CSMD3: variants seen among roughly 807,000 people sequenced by gnomAD.
CSMD3 encodes the protein CUB and Sushi multiple domains 3, also known as CUB and sushi domain-containing protein 3.
CSMD3 carries 177 observed loss-of-function variants against 435.2 expected under a neutral mutation model. That is an observed-to-expected ratio of 0.41 (90% CI 0.36 to 0.46). The LOEUF is 0.46. CSMD3 is among the 20% of genes least tolerant of loss of function. CSMD3 has a pLI of 0.34. For missense variants in CSMD3, 4,265 were observed against 4,504.6 expected (o/e 0.95, Z 1.52); for synonymous variants, 1,656 against 1,520.5 (o/e 1.09, Z -2.07).
intron 64 of CSMD3, among the ~76,000 whole-genome samples, chr8:112,245,797 C>A (rs756828709): frequency 1.3e-5 from 2 of 152,156 alleles, no homozygotes; most frequent in Non-Finnish European, 2.9e-5. Flanking sequence ...CTCGGCCTCC[C>A]AAAGTGCTAG....
At chr8:112,947,747 C>A (rs1165307843) in intron 9 of CSMD3, 43 bp downstream of exon 9, 2 of 848,568 alleles carry the variant, frequency 2.4e-6, no homozygotes, top group Non-Finnish European at 4.0e-6. Flanking sequence ...TTAAAATAAA[C>A]CTTGACAAGA....
chr8:112,489,515 T>A (rs528929383), intron 31 of CSMD3, among the ~76,000 whole-genome samples: 1 of 152,272 alleles, frequency 6.6e-6, no homozygotes, highest in Non-Finnish European at 1.5e-5. Context: ...TATGTGACAT[T>A]GATTAAGAAA....
At chr8:113,340,747 T>C (rs1443229417) in intron 1 of CSMD3, among the ~76,000 whole-genome samples, 3 of 151,852 alleles carry the variant, frequency 2.0e-5, no homozygotes, top group African/African-American at 7.3e-5. Context: ...GTAGCCCCTG[T>C]AGTCCCAGCT....
intron 3 of CSMD3, among the ~76,000 whole-genome samples, chr8:113,254,144 G>A (rs2093359598): frequency 6.6e-6 from 1 of 150,986 alleles, no homozygotes; most frequent in African/African-American, 2.5e-5. Context: ...ATGTCATGCT[G>A]TACATTTTCA....
chr8:112,890,682 T>A (rs2081758602), intron 10 of CSMD3, among the ~76,000 whole-genome samples: 1 of 151,726 alleles, frequency 6.6e-6, no homozygotes, highest in African/African-American at 2.4e-5. Flanking sequence ...CACTATTCAC[T>A]ATTATGCGAC....
At chr8:113,195,714 T>C (rs566406594) in intron 3 of CSMD3, among the ~76,000 whole-genome samples, 198 of 148,462 alleles carry the variant, frequency 1.3e-3, no homozygotes, top group African/African-American at 4.8e-3. Flanking sequence ...AGGTATTTAC[T>C]ATTCATATCT....
At chr8:112,286,885 AT>A (rs984659568) in intron 58 of CSMD3, among the ~76,000 whole-genome samples, 178 bp downstream of exon 58, 1 of 152,114 alleles carries the variant, frequency 6.6e-6, no homozygotes, top group Non-Finnish European at 1.5e-5. Flanking sequence ...TTTTAAAAAA[AT>A]TATCGGTTAT....
chr8:112,316,838 C>A (rs1406965129), intron 47 of CSMD3, among the ~76,000 whole-genome samples: 1 of 151,790 alleles, frequency 6.6e-6, no homozygotes, highest in Non-Finnish European at 1.5e-5. Flanking sequence ...GAATTATTTT[C>A]CACATTTTAA....
At chr8:112,565,379 G>T (rs1586695053) in intron 24 of CSMD3, among the ~76,000 whole-genome samples, 1 of 152,064 alleles carries the variant, frequency 6.6e-6, no homozygotes, top group Non-Finnish European at 1.5e-5. Flanking sequence ...AATTTTTTAC[G>T]ATTTACATTG....
In CSMD3 at chr8:113,430,920, T is replaced by G. The variant is rs562976186; in HGVS notation, c.178+5757A>C. Among the ~76,000 whole-genome samples, 9 of 152,300 alleles carry G rather than the reference T, an allele frequency of 5.9e-5. No individual in the cohort carries two copies. In the East Asian group the frequency reaches 1.7e-3, roughly 29 times the overall value. ...CAAACAACAGCTTAGCAAAGCAACT[T>G]AAGACATGAAATATATTTGATGGCT... On this transcript the variant is annotated intron_variant, in intron 1 of 70. Coordinates refer to ENST00000297405, the MANE Select transcript of CSMD3 (RefSeq NM_198123.2).
At chr8:112,678,232 T>A (rs1586948361) in intron 16 of CSMD3, among the ~76,000 whole-genome samples, 1 of 152,222 alleles carries the variant, frequency 6.6e-6, no homozygotes, top group Non-Finnish European at 1.5e-5. Flanking sequence ...AAAACTACCA[T>A]CCAGTCTAGT....
intron 1 of CSMD3, among the ~76,000 whole-genome samples, chr8:113,322,622 A>G (rs2093956785): frequency 6.6e-6 from 1 of 152,252 alleles, no homozygotes; most frequent in Non-Finnish European, 1.5e-5. Context: ...AATTTACAAA[A>G]TAAACTGCTA....
intron 42 of CSMD3, 40 bp downstream of exon 42, chr8:112,341,437 T>TG: frequency 8.2e-7 from 1 of 1,222,020 alleles, no homozygotes; most frequent in Non-Finnish European, 1.2e-6. Context: ...ATAGCTGATT[T>TG]GGGGTTATAT....
At position 113,248,529 on chromosome 8, in the gene CSMD3, T is replaced by G. The variant is rs867313647; in HGVS notation, c.514+30063A>C. On this transcript the variant is annotated intron_variant, in intron 3 of 70. Coordinates refer to ENST00000297405, the MANE Select transcript of CSMD3 (RefSeq NM_198123.2). ...CATATATTTCCATATTATATATATA[T>G]GTATATACATATATATATATACACA... 2.5e-5 allele frequency among the ~76,000 whole-genome samples: 3 copies of G among 120,248 alleles called. No individual in the cohort carries two copies. In the South Asian group the frequency reaches 7.6e-4, roughly 30 times the overall value. 78.9% of individuals were successfully genotyped at this position (120,248 alleles called of 152,430 possible).
At chr8:113,311,855 T>C (rs1438005711) in intron 2 of CSMD3, 1 of 152,130 alleles carries the variant, frequency 6.6e-6, no homozygotes, top group Non-Finnish European at 1.5e-5. Context: ...CTAAAGACTA[T>C]ATTATAACAT....
intron 38 of CSMD3, among the ~76,000 whole-genome samples, chr8:112,361,306 C>T (rs76182008): frequency 0.023 from 3,454 of 151,576 alleles, 141 homozygotes; most frequent in African/African-American, 0.078. Flanking sequence ...GAAATGAATC[C>T]AGGGACCAAT....
chr8:113,039,436 A>C (rs2087505551), intron 5 of CSMD3, among the ~76,000 whole-genome samples: 1 of 152,192 alleles, frequency 6.6e-6, no homozygotes, highest in African/African-American at 2.4e-5. Flanking sequence ...TTAGCTTATG[A>C]AGATATATTC....
chr8:113,253,624 G>A (rs558055505), intron 3 of CSMD3, among the ~76,000 whole-genome samples: 2 of 151,956 alleles, frequency 1.3e-5, no homozygotes, highest in African/African-American at 4.8e-5. Flanking sequence ...GGCAGATAAC[G>A]AGGTCAAGAG....
intron 5 of CSMD3, among the ~76,000 whole-genome samples, chr8:113,020,022 G>A (rs1411379237): frequency 1.3e-5 from 2 of 150,470 alleles, no homozygotes; most frequent in Non-Finnish European, 3.0e-5. Flanking sequence ...AATTAGCCGG[G>A]CGCGGTGGCG....
Sources: gnomAD v4.1 joint callset for allele counts (sites outside exome capture counted in the v4.1 genomes callset) on GRCh38, gnomAD v4.1.1 for gene constraint, MANE v1.5 for transcripts, NCBI Gene and HGNC (gene_info 2026-07-23, HGNC 2026-07-21) for gene names.